ABCA5: variants seen among roughly 807,000 people sequenced by gnomAD.
ABCA5 encodes ATP binding cassette subfamily A member 5, also known as cholesterol transporter ABCA5.
A neutral mutation model predicts 206.0 loss-of-function variants in ABCA5; 163 were observed. The observed-to-expected ratio is 0.79, with a 90% CI of 0.70 to 0.90. ABCA5 has a LOEUF of 0.90. Ranked by LOEUF, ABCA5 falls within the 40% of genes least tolerant of loss-of-function variation. The pLI is 0.00. For missense variants in ABCA5, 1,859 were observed against 1,912.9 expected (o/e 0.97, Z 0.53); for synonymous variants, 609 against 613.8 (o/e 0.99, Z 0.11).
At chr17:69,284,193 AAAAAAT>A in intron 17 of ABCA5, 121 bp from the exon 18 acceptor site, 1 of 777,568 alleles carries the variant, frequency 1.3e-6, no homozygotes. Flanking sequence ...CCATCTCTAC[AAAAAAT>A]AAAAATAAAT....
chr17:69,279,156 TCTC>T (rs1287027315), intron 18 of ABCA5, among the ~76,000 whole-genome samples: 3 of 152,072 alleles, frequency 2.0e-5, no homozygotes, highest in Admixed American at 6.6e-5. Context: ...CAGCCCAAAA[TCTC>T]CTTCAGCTGA....
At chr17:69,283,907 T>C (rs1598176410) in intron 18 of ABCA5, 46 bp downstream of exon 18, 2 of 1,557,450 alleles carry the variant, frequency 1.3e-6, no homozygotes, top group East Asian at 4.7e-5. Flanking sequence ...TTATTCACCA[T>C]CTGTCTGATT....
intron 17 of ABCA5, among the ~76,000 whole-genome samples, chr17:69,284,309 C>T (rs1353530185): frequency 6.6e-6 from 1 of 152,100 alleles, no homozygotes; most frequent in Non-Finnish European, 1.5e-5. Context: ...CTGCAGTGAG[C>T]TGTGATTGTG....
intron 19 of ABCA5, among the ~76,000 whole-genome samples, chr17:69,276,605 G>A (rs1404694503): frequency 1.3e-5 from 2 of 152,196 alleles, no homozygotes; most frequent in African/African-American, 2.4e-5. Flanking sequence ...GCTGAACAAC[G>A]AGAACACATG....
chr17:69,293,886 T>A (rs201846410), intron 11 of ABCA5, among the ~76,000 whole-genome samples: 2 of 64,872 alleles, frequency 3.1e-5, no homozygotes, highest in Admixed American at 2.6e-4. Flanking sequence ...GTGTGTGTGT[T>A]TGTGTGTGTG....
At chr17:69,289,765 T>C (rs2075503560) in intron 13 of ABCA5, 97 bp downstream of exon 13, 3 of 928,148 alleles carry the variant, frequency 3.2e-6, no homozygotes, top group South Asian at 1.7e-5. Flanking sequence ...ACAAGTGTTA[T>C]ATTTAGATTT....
intron 32 of ABCA5, 115 bp downstream of exon 32, chr17:69,254,200 A>G: frequency 5.8e-6 from 5 of 854,876 alleles, no homozygotes; most frequent in Non-Finnish European, 8.7e-6. Flanking sequence ...AAAAAGTAAT[A>G]AACATTTTCT....
intron 28 of ABCA5, among the ~76,000 whole-genome samples, chr17:69,259,404 T>C (rs2075120469): frequency 6.6e-6 from 1 of 151,936 alleles, no homozygotes; most frequent in Non-Finnish European, 1.5e-5. Context: ...CAAACAGATA[T>C]AAAAGTTAAA....
chr17:69,265,720 T>C (rs2075200211), intron 23 of ABCA5, among the ~76,000 whole-genome samples: 1 of 152,136 alleles, frequency 6.6e-6, no homozygotes. Flanking sequence ...TTCTGTTCAA[T>C]GAATTATGAG....
chr17:69,298,886 C>T (rs2075620359), intron 9 of ABCA5, among the ~76,000 whole-genome samples: 1 of 152,144 alleles, frequency 6.6e-6, no homozygotes, highest in African/African-American at 2.4e-5. Context: ...TGACAGATAA[C>T]CCACAGAGTG....
At chr17:69,253,078 C>A (rs192439961) in intron 34 of ABCA5, among the ~76,000 whole-genome samples, 118 of 152,088 alleles carry the variant, frequency 7.8e-4, no homozygotes, top group Non-Finnish European at 1.3e-3. Flanking sequence ...GAGTAATAGG[C>A]TATACCATAT....
chr17:69,258,339 C>A (rs1256676089), intron 28 of ABCA5, among the ~76,000 whole-genome samples: 1 of 152,130 alleles, frequency 6.6e-6, no homozygotes, highest in Admixed American at 6.6e-5. Flanking sequence ...ACTCCACAGC[C>A]ATAAATAGAA....
intron 23 of ABCA5, among the ~76,000 whole-genome samples, chr17:69,265,144 A>G (rs962228390): frequency 1.3e-5 from 2 of 152,146 alleles, no homozygotes; most frequent in African/African-American, 4.8e-5. Flanking sequence ...ATCAGAATAC[A>G]GTAGTGCTGC....
intron 8 of ABCA5, among the ~76,000 whole-genome samples, chr17:69,302,227 T>C (rs187256384): frequency 1.0e-3 from 157 of 152,296 alleles, no homozygotes; most frequent in African/African-American, 3.6e-3. Context: ...ATAAAAATAA[T>C]ATTTGTAAGT....
At chr17:69,262,329 C>T (rs2075157627) in intron 24 of ABCA5, among the ~76,000 whole-genome samples, 3 of 152,094 alleles carry the variant, frequency 2.0e-5, no homozygotes, top group Admixed American at 2.0e-4. Flanking sequence ...TTCATTCTGT[C>T]ACCTAGGTAC....
In ABCA5 at chr17:69,287,596, T is replaced by C; in HGVS notation, c.2041+17A>G. The C allele has an allele frequency of 6.2e-7, 1 of 1,602,948 alleles. No individual in the cohort carries two copies. The highest frequency in any genetic ancestry group is 8.5e-7 in the Non-Finnish European group (1 of 1,174,648). On this transcript the variant is annotated intron_variant, in intron 15 of 38. Coordinates refer to ENST00000392676, the MANE Select transcript of ABCA5 (RefSeq NM_172232.4). Reference sequence around the variant, plus strand: ...GGCCCATGATCTCAGCCTTCGAAAATAAAACAAAAATCTCACCTGCAAGAA... The same window carrying C: ...GGCCCATGATCTCAGCCTTCGAAAACAAAACAAAAATCTCACCTGCAAGAA...
At chr17:69,263,275 C>T (rs2075169500) in intron 24 of ABCA5, among the ~76,000 whole-genome samples, 1 of 152,100 alleles carries the variant, frequency 6.6e-6, no homozygotes, top group South Asian at 2.1e-4. Flanking sequence ...GTTGCAATTG[C>T]TTTTGAAGAC....
intron 4 of ABCA5, 49 bp downstream of exon 4, chr17:69,309,213 C>A (rs1465836335): frequency 1.4e-6 from 2 of 1,410,106 alleles, no homozygotes; most frequent in Non-Finnish European, 1.9e-6. Context: ...CTGCAAGCAG[C>A]AAAGATATGC....
At chr17:69,316,484 C>A (rs1212532073) in intron 1 of ABCA5, among the ~76,000 whole-genome samples, 1 of 138,674 alleles carries the variant, frequency 7.2e-6, no homozygotes, top group Non-Finnish European at 1.5e-5. Context: ...GAGGCCCTGT[C>A]TCAAAGAAAA....
Sources: gnomAD v4.1 joint callset for allele counts (sites outside exome capture counted in the v4.1 genomes callset) on GRCh38, gnomAD v4.1.1 for gene constraint, MANE v1.5 for transcripts, NCBI Gene and HGNC (gene_info 2026-07-23, HGNC 2026-07-21) for gene names.